Variants in GLIS3 observed in about 807,000 individuals in gnomAD.
The protein encoded by GLIS3 is zinc finger protein GLIS3.
A neutral mutation model predicts 78.6 loss-of-function variants in GLIS3; 53 were observed. That is an observed-to-expected ratio of 0.67 (90% CI 0.54 to 0.85). The LOEUF is 0.85. Among genes scored for constraint, GLIS3 ranks in the 40% least tolerant of loss-of-function variants. GLIS3 has a pLI of 0.00. For missense variants in GLIS3, 1,703 were observed against 1,231.1 expected (o/e 1.38, Z -5.74); for synonymous variants, 684 against 509.9 (o/e 1.34, Z -4.60).
At chr9:4,126,053 ATTT>A (rs574545416) in intron 2 of GLIS3, 112 bp from the exon 3 acceptor site, 16 of 654,908 alleles carry the variant, frequency 2.4e-5, no homozygotes, top group African/African-American at 3.7e-5. Flanking sequence ...TCCTCAGATC[ATTT>A]TTTTTTTTAG....
At chr9:3,952,421 A>G (rs592310) in intron 4 of GLIS3, among the ~76,000 whole-genome samples, 43,195 of 151,842 alleles carry the variant, frequency 0.28, 7,263 homozygotes, top group African/African-American at 0.48. Flanking sequence ...AGGCTCACAC[A>G]ATTTGCACCT....
intron 4 of GLIS3, among the ~76,000 whole-genome samples, chr9:4,031,367 G>C (rs1030134372): frequency 1.3e-5 from 2 of 152,166 alleles, no homozygotes; most frequent in Non-Finnish European, 2.9e-5. Flanking sequence ...TACATGCTAA[G>C]TGGAAGAAGC....
chr9:4,170,178 C>T (rs1053772942), intron 2 of GLIS3, among the ~76,000 whole-genome samples: 1 of 152,114 alleles, frequency 6.6e-6, no homozygotes, highest in Non-Finnish European at 1.5e-5. Flanking sequence ...TTAAAGCGAT[C>T]TGAAGAAACT....
At chr9:4,209,336 G>A (rs112168812) in intron 2 of GLIS3, among the ~76,000 whole-genome samples, 1 of 152,122 alleles carries the variant, frequency 6.6e-6, no homozygotes, top group South Asian at 2.1e-4. Context: ...GATGCATAGG[G>A]TATCTGGGTT....
At chr9:4,414,150 A>G in the GLIS3 span, among the ~76,000 whole-genome samples, 7 of 152,218 alleles carry the variant, frequency 4.6e-5, no homozygotes, top group Non-Finnish European at 1.0e-4. Flanking sequence ...AAGTAACACA[A>G]AAGGGTAGAA....
At chr9:4,167,046 G>C (rs7873467) in intron 2 of GLIS3, among the ~76,000 whole-genome samples, 17,811 of 152,070 alleles carry the variant, frequency 0.12, 1,363 homozygotes, top group African/African-American at 0.22. Context: ...AAACATTGAC[G>C]CAAGTGGAGA....
At chr9:4,293,753 C>G (rs1816231118) in intron 1 of GLIS3, among the ~76,000 whole-genome samples, 1 of 152,222 alleles carries the variant, frequency 6.6e-6, no homozygotes, top group South Asian at 2.1e-4. Flanking sequence ...ATCTCTTTAT[C>G]ATGGAGCATA....
At chr9:4,257,775 G>T (rs536686753) in intron 2 of GLIS3, among the ~76,000 whole-genome samples, 270 of 152,038 alleles carry the variant, frequency 1.8e-3, no homozygotes, top group African/African-American at 6.1e-3. Context: ...GGGTTTCACT[G>T]TGTTAGCCGG....
At chr9:4,396,943 C>T in the GLIS3 span, among the ~76,000 whole-genome samples, 1 of 151,940 alleles carries the variant, frequency 6.6e-6, no homozygotes, top group Non-Finnish European at 1.5e-5. Flanking sequence ...GCACTGTTAA[C>T]CTTTTCCTAA....
chr9:3,967,182 A>G (rs1818020399), intron 4 of GLIS3, among the ~76,000 whole-genome samples: 2 of 152,124 alleles, frequency 1.3e-5, no homozygotes, highest in Non-Finnish European at 2.9e-5. Context: ...GTACCTGAAA[A>G]TCATTTTGAA....
chr9:4,064,657 T>G (rs2130588072), intron 4 of GLIS3, among the ~76,000 whole-genome samples: 1 of 152,226 alleles, frequency 6.6e-6, no homozygotes, highest in Admixed American at 6.5e-5. Flanking sequence ...TGCCTGGTGT[T>G]GTGGCGCACA....
chr9:4,317,128 G>T (rs10974453), intron 2 of GLIS3, among the ~76,000 whole-genome samples: 44,831 of 152,080 alleles, frequency 0.29, 6,662 homozygotes, highest in East Asian at 0.36. Context: ...GAAAAAGAAA[G>T]AATGTATTCA....
intron 2 of GLIS3, among the ~76,000 whole-genome samples, chr9:4,155,368 C>T (rs887484737): frequency 1.3e-5 from 2 of 152,222 alleles, no homozygotes; most frequent in South Asian, 4.1e-4. Context: ...TTACATGGCG[C>T]ATTTTGTCCA....
chr9:4,276,491 CGGGAGGGAAG>C lies in GLIS3; in HGVS notation c.388+9537_388+9546del, dbSNP rs1827028153. 2.0e-3 allele frequency among the ~76,000 whole-genome samples: 13 copies of C among 6,464 alleles called. 1 individual carries two copies. Among genetic ancestry groups the C allele is most frequent in the South Asian group, 0.014 (1 of 70 alleles). 4.2% of individuals were successfully genotyped at this position (6,464 alleles called of 152,430 possible). A position where few individuals can be genotyped will look rare whatever the true frequency, so the allele number is the denominator to read the frequency against. ...GGGGACGGGAGGGGAGGGAAGGGGACGGGAGGGAAGGGGAGGGGAGGGAAGGGAAGGGAAG... is the reference window on the plus strand; with the variant it reads ...GGGGACGGGAGGGGAGGGAAGGGGACGGGAGGGGAGGGAAGGGAAGGGAAG... On this transcript the variant is annotated intron_variant, in intron 2 of 10. Coordinates refer to ENST00000381971, the MANE Select transcript of GLIS3 (RefSeq NM_001042413.2).
chr9:4,183,203 G>A (rs1261561035), intron 2 of GLIS3, among the ~76,000 whole-genome samples: 2 of 152,152 alleles, frequency 1.3e-5, no homozygotes, highest in South Asian at 2.1e-4. Context: ...AAGCCAGGTG[G>A]TAGATATCAT....
chr9:3,978,732 A>G (rs1818994693), intron 4 of GLIS3, among the ~76,000 whole-genome samples: 1 of 152,110 alleles, frequency 6.6e-6, no homozygotes, highest in East Asian at 1.9e-4. Context: ...TTATATTCGA[A>G]TAAATTATCT....
At chr9:4,089,158 T>C (rs781068851) in intron 4 of GLIS3, among the ~76,000 whole-genome samples, 1 of 152,234 alleles carries the variant, frequency 6.6e-6, no homozygotes, top group Non-Finnish European at 1.5e-5. Context: ...ATCCAAATAT[T>C]CATGTCTGTC....
intron 2 of GLIS3, among the ~76,000 whole-genome samples, chr9:4,232,933 T>A (rs1163103708): frequency 6.6e-6 from 1 of 152,202 alleles, no homozygotes; most frequent in East Asian, 1.9e-4. Flanking sequence ...AGAATCAGTG[T>A]ATAGACAAAA....
the GLIS3 span, among the ~76,000 whole-genome samples, chr9:4,357,536 C>T: frequency 0.011 from 1,685 of 149,000 alleles, 24 homozygotes; most frequent in Non-Finnish European, 0.016. Context: ...GACTTTTCAG[C>T]CTCCAGAATA....
Sources: allele counts gnomAD v4.1 joint callset (sites outside exome capture counted in the v4.1 genomes callset), GRCh38; gene constraint gnomAD v4.1.1; transcripts MANE v1.5; gene names NCBI Gene and HGNC (gene_info 2026-07-23, HGNC 2026-07-21).